Variants in SYNPO2L observed in about 807,000 individuals in gnomAD.
SYNPO2L encodes the protein synaptopodin 2 like, also known as synaptopodin 2-like protein.
A neutral mutation model predicts 47.5 loss-of-function variants in SYNPO2L; 34 were observed. That is an observed-to-expected ratio of 0.72 (90% confidence interval 0.54 to 0.95). The LOEUF is 0.95. SYNPO2L is among the 40% of genes least tolerant of loss of function. SYNPO2L has a pLI of 0.00. For synonymous variants in SYNPO2L, 536 were observed against 524.9 expected (o/e 1.02, Z -0.29); for missense variants, 1,246 against 1,282.0 (o/e 0.97, Z 0.43).
chr10:73,651,813 C>T (rs527269797), intron 3 of SYNPO2L, among the ~76,000 whole-genome samples: 66 of 152,266 alleles, frequency 4.3e-4, no homozygotes, highest in Admixed American at 6.5e-4. Flanking sequence ...CAATGGCTCA[C>T]GCCTGCAATC....
intron 3 of SYNPO2L, chr10:73,650,760 C>T: frequency 4.6e-6 from 6 of 1,317,308 alleles, no homozygotes; most frequent in Non-Finnish European, 5.8e-6. Flanking sequence ...GAGAAAGGGG[C>T]AGTGAAACTC....
Position 73,648,421 on chromosome 10 carries a change from C to A in SYNPO2L, c.1231G>T (p.Ala411Ser). Reference protein sequence around the residue: ...STQELARVEPAAMLNGEGLQS... With the variant: ...STQELARVEPSAMLNGEGLQS... ...AGGCCTTCCCCGTTGAGCATGGCTGCTGGTTCGACCCGTGCCAGTTCCTGG... is the reference window on the plus strand; with the variant it reads ...AGGCCTTCCCCGTTGAGCATGGCTGATGGTTCGACCCGTGCCAGTTCCTGG... The change falls in exon 4 of 4, where the codon GCA (alanine) becomes TCA (serine). Residue 411 changes from alanine (A) to serine (S), a missense_variant. Coordinates refer to ENST00000394810, the MANE Select transcript of SYNPO2L (RefSeq NM_001114133.3). The A allele has an allele frequency of 6.2e-7, 1 of 1,608,142 alleles. No homozygotes were observed.
Position 73,647,491 on chromosome 10 carries a change from T to G in SYNPO2L, c.2161A>C (p.Thr721Pro). The change falls in exon 4 of 4, where the codon ACT (threonine) becomes CCT (proline). Residue 721 changes from threonine (T) to proline (P), a missense_variant. Coordinates refer to ENST00000394810, the MANE Select transcript of SYNPO2L (RefSeq NM_001114133.3). ...PKTPPPMTPK[T>P]PPPVAPKPPS... is the part of the protein sequence containing the mutation. ...GGCTTAGGAGCCACTGGGGGTGGAG[T>G]CTTAGGAGTCATAGGGGGCGGGGTC... 2.5e-6 allele frequency: 4 copies of G among 1,581,510 alleles called. No homozygotes were observed. Among genetic ancestry groups the G allele is most frequent in the African/African-American group, 2.8e-5 (2 of 71,438 alleles).
chr10:73,654,152 A>G lies in SYNPO2L; in HGVS notation c.234T>C (p.Asn78=). 6.4e-7 allele frequency: 1 copy of G among 1,551,680 alleles called. No individual in the cohort carries two copies. The highest frequency in any genetic ancestry group is 1.7e-4 in the Middle Eastern group (1 of 5,990). Residue 78 remains asparagine (N), a synonymous_variant, in exon 2 of 4, where the codon AAT becomes AAC. Coordinates refer to ENST00000394810, the MANE Select transcript of SYNPO2L (RefSeq NM_001114133.3). The part of the protein sequence containing the change: ...SAMSLIDASG[N]QLVLTVQRLA... ...ACCGCTGCACAGTGAGGACAAGCTG[A>G]TTTCCTGAGGCATCGATGAGGCTCA... is the stretch of plus-strand genomic sequence containing the variant.
rs779358672 is a variant in SYNPO2L at position 73,649,253 on chromosome 10, C to G, written c.773-374G>C. 2.6e-5 allele frequency among the ~76,000 whole-genome samples: 4 copies of G among 152,056 alleles called. No individual in the cohort carries two copies. In the East Asian group the frequency reaches 7.7e-4, roughly 29 times the overall value. On this transcript the variant is annotated intron_variant, in intron 3 of 3. Coordinates refer to ENST00000394810, the MANE Select transcript of SYNPO2L (RefSeq NM_001114133.3). ...GGGAGGAGAAGGATGTGTCACTCTCCGTGGCAGACAGGGAGATAAGCAGGT... is the reference window on the plus strand; with the variant it reads ...GGGAGGAGAAGGATGTGTCACTCTCGGTGGCAGACAGGGAGATAAGCAGGT...
At position 73,647,370 on chromosome 10, in the gene SYNPO2L, A is replaced by C; in HGVS notation, c.2282T>G (p.Leu761Arg). ...CGCACGGCTCTGCCGCTTAGCAAAC[A>C]GCTCCCCACCCCTGCCCTGCAGCCT... ...PPRLQGRGGE[L>R]FAKRQSRADR... Residue 761 changes from leucine to arginine, a missense_variant, in exon 4 of 4, where the codon CTG becomes CGG. Physicochemically the swap from Leu to Arg is moderately radical, Grantham distance 102 (BLOSUM62 -2). Around this residue, in one of 3 missense-constraint regions of SYNPO2L, gnomAD observed 1,037 missense variants for 1,021.5 expected, o/e 1.02. Coordinates refer to ENST00000394810, the MANE Select transcript of SYNPO2L (RefSeq NM_001114133.3). 1 of 1,614,014 alleles carries C rather than the reference A, an allele frequency of 6.2e-7. No individual in the cohort carries two copies. The highest frequency in any genetic ancestry group is 8.5e-7 in the Non-Finnish European group (1 of 1,179,990).
Position 73,646,357 on chromosome 10 carries a change from G to A in SYNPO2L, c.*361C>T. 1 of 1,011,790 alleles carries A rather than the reference G, an allele frequency of 9.9e-7. No individual in the cohort carries two copies. The highest frequency in any genetic ancestry group is 1.2e-6 in the Non-Finnish European group (1 of 848,364). 62.7% of individuals were successfully genotyped at this position (1,011,790 alleles called of 1,614,324 possible). ...GCCTGAAGTCCCAGTGGTCACTTCT[G>A]CTCTGTTTACTTCTCACTGAACATT... On this transcript the variant is annotated 3_prime_UTR_variant, in exon 4 of 4. Transcript: ENST00000394810.
In SYNPO2L at chr10:73,649,664, C is replaced by A. The variant is rs1003989254; in HGVS notation, c.773-785G>T. Reference sequence around the variant, plus strand: ...CAAAACACCATCACTCAAATACATTCACACACCTACATGCTCTAGGTGGCC... The same window carrying A: ...CAAAACACCATCACTCAAATACATTAACACACCTACATGCTCTAGGTGGCC... On this transcript the variant is annotated intron_variant, in intron 3 of 3. Coordinates refer to ENST00000394810, the MANE Select transcript of SYNPO2L (RefSeq NM_001114133.3). 8.5e-6 allele frequency: 8 copies of A among 946,542 alleles called. No homozygotes were observed. In the African/African-American group the frequency reaches 1.4e-4, roughly 17 times the overall value. 58.6% of individuals were successfully genotyped at this position (946,542 alleles called of 1,614,324 possible). A position where few individuals can be genotyped will look rare whatever the true frequency, so the allele number is the denominator to read the frequency against.
intron 3 of SYNPO2L, chr10:73,650,731 A>G: frequency 1.0e-6 from 1 of 985,370 alleles, no homozygotes; most frequent in Non-Finnish European, 1.2e-6. Context: ...CCCCTTTGAC[A>G]TGTGACCACA....
In SYNPO2L at chr10:73,645,782, G is replaced by A; in HGVS notation, c.*936C>T. The A allele has an allele frequency of 1.0e-6, 1 of 985,826 alleles. No homozygotes were observed. 61.1% of individuals were successfully genotyped at this position (985,826 alleles called of 1,614,324 possible). ...CACTCAACTCCATGTGGGGATATCT[G>A]ACCCTTCTATCAGTACAACGATAAG... On this transcript the variant is annotated 3_prime_UTR_variant, in exon 4 of 4. Coordinates refer to ENST00000394810, the MANE Select transcript of SYNPO2L (RefSeq NM_001114133.3).
intron 3 of SYNPO2L, among the ~76,000 whole-genome samples, chr10:73,651,702 G>C (rs566154609): frequency 6.6e-6 from 1 of 152,280 alleles, no homozygotes; most frequent in Non-Finnish European, 1.5e-5. Context: ...ACTTCCTCGG[G>C]ATCTCATGAT....
chr10:73,650,211 C>T, intron 3 of SYNPO2L: 1 of 985,274 alleles, frequency 1.0e-6, no homozygotes, highest in African/African-American at 1.7e-5. Flanking sequence ...AGGTACCATG[C>T]TCCTTTGTAA....
intron 3 of SYNPO2L, among the ~76,000 whole-genome samples, chr10:73,651,791 G>T (rs971538391): frequency 6.6e-6 from 1 of 152,136 alleles, no homozygotes; most frequent in African/African-American, 2.4e-5. Flanking sequence ...ATACTATAAA[G>T]AATCCTTTGG....
rs748480832 is a variant in SYNPO2L, at chr10:73,647,845, C to T, written c.1807G>A (p.Ala603Thr). 6.4e-7 allele frequency: 1 copy of T among 1,556,628 alleles called. No individual in the cohort carries two copies. The highest frequency in any genetic ancestry group is 8.7e-7 in the Non-Finnish European group (1 of 1,154,540). Residue 603 changes from alanine (A) to threonine (T), a missense_variant, in exon 4 of 4, where the codon GCT (alanine) becomes ACT (threonine). Ala to Thr is a moderately conservative substitution (Grantham distance 58). This residue lies in a region of SYNPO2L where 1,037 missense variants were observed against 1,021.5 expected (regional missense o/e 1.02). Coordinates refer to ENST00000394810, the MANE Select transcript of SYNPO2L (RefSeq NM_001114133.3). ...RPEAPAPGPG[A>T]PEPPSAREQR... The stretch of plus-strand genomic sequence containing the variant: ...TCGCGAGCGCTGGGGGGCTCAGGAG[C>T]CCCTGGGCCTGGGGCAGGCGCCTCT...
chr10:73,654,317 G>T, intron 1 of SYNPO2L, 37 bp from the exon 2 acceptor site: 3 of 1,549,436 alleles, frequency 1.9e-6, no homozygotes, highest in Non-Finnish European at 1.7e-6. Flanking sequence ...GTAAGAGGGG[G>T]CTCCAAAGGG....
At position 73,646,515 on chromosome 10, in the gene SYNPO2L, C is replaced by T; in HGVS notation, c.*203G>A. ...CAGAGACAAAGAGAGGCAAAGATAC[C>T]AAAGCAGACATACTTGGTTGGAAAG... On this transcript the variant is annotated 3_prime_UTR_variant, in exon 4 of 4. Transcript: ENST00000394810. The T allele has an allele frequency of 1.6e-6, 2 of 1,241,492 alleles. No individual in the cohort carries two copies. Among genetic ancestry groups the T allele is most frequent in the African/African-American group, 3.1e-5 (2 of 64,642 alleles). The allele number at this position is 1,241,492 out of a possible 1,614,324, so 76.9% of individuals were successfully genotyped here. A position where few individuals can be genotyped will look rare whatever the true frequency, so the allele number is the denominator to read the frequency against.
At position 73,645,201 on chromosome 10, in the gene SYNPO2L, C is replaced by T. The variant is rs141233100; in HGVS notation, c.*1517G>A. ...CAAGGAAAATCACACAGACACCAACCGTTCTTTCAACACTCAGCACACACC... is the reference window on the plus strand; with the variant it reads ...CAAGGAAAATCACACAGACACCAACTGTTCTTTCAACACTCAGCACACACC... On this transcript the variant is annotated 3_prime_UTR_variant, in exon 4 of 4. Transcript: ENST00000394810. 3.0e-5 allele frequency: 34 copies of T among 1,148,496 alleles called. No homozygotes were observed. The highest frequency in any genetic ancestry group is 3.8e-5 in the South Asian group (2 of 53,318). 71.1% of individuals were successfully genotyped at this position (1,148,496 alleles called of 1,614,324 possible).
chr10:73,651,645 C>G (rs1282736010), intron 3 of SYNPO2L, among the ~76,000 whole-genome samples: 2 of 152,152 alleles, frequency 1.3e-5, no homozygotes, highest in African/African-American at 4.8e-5. Flanking sequence ...TCTGCCCAGG[C>G]CAACATTCTT....
In SYNPO2L at chr10:73,646,418, G is replaced by A; in HGVS notation, c.*300C>T. 2.7e-6 allele frequency: 3 copies of A among 1,111,240 alleles called. No individual in the cohort carries two copies. Among genetic ancestry groups the A allele is most frequent in the Non-Finnish European group, 3.3e-6 (3 of 912,326 alleles). The allele number at this position is 1,111,240 out of a possible 1,614,324, so 68.8% of individuals were successfully genotyped here. ...CCAGGGAGAAAAGCACAAATGTCAAGGAAGAGAGATCTGTGGAGGAATATG... is the reference window on the plus strand; with the variant it reads ...CCAGGGAGAAAAGCACAAATGTCAAAGAAGAGAGATCTGTGGAGGAATATG... On this transcript the variant is annotated 3_prime_UTR_variant, in exon 4 of 4. Coordinates refer to ENST00000394810, the MANE Select transcript of SYNPO2L (RefSeq NM_001114133.3).
Sources: allele counts gnomAD v4.1 joint callset (sites outside exome capture counted in the v4.1 genomes callset), GRCh38; gene constraint gnomAD v4.1.1; regional missense constraint gnomAD v4.1.1; transcripts MANE v1.5; gene names NCBI Gene and HGNC (gene_info 2026-07-23, HGNC 2026-07-21).